NAV3: variants seen among roughly 807,000 people sequenced by gnomAD.
The protein encoded by NAV3 is neuron navigator 3.
NAV3 carries 87 observed loss-of-function variants against 244.7 expected under a neutral mutation model. The observed-to-expected ratio is 0.36, with a 90% CI of 0.30 to 0.42. The LOEUF is 0.42. NAV3 is among the 20% of genes least tolerant of loss of function. The pLI, the probability that NAV3 is intolerant of heterozygous loss-of-function variation, is 1.00. For synonymous variants in NAV3, 1,126 were observed against 1,042.2 expected, an observed-to-expected ratio of 1.08 and a Z score of -1.55; for missense variants, 2,663 against 2,893.3, an observed-to-expected ratio of 0.92 and a Z score of 1.83.
intron 2 of NAV3, among the ~76,000 whole-genome samples, chr12:77,781,891 T>C (rs926706747): frequency 3.9e-5 from 6 of 152,110 alleles, no homozygotes; most frequent in African/African-American, 1.4e-4. Flanking sequence ...AAGTTTTCTG[T>C]AATATAAAAT....
intron 20 of NAV3, among the ~76,000 whole-genome samples, chr12:78,145,541 G>A (rs1527101): frequency 0.35 from 52,944 of 152,062 alleles, 9,583 homozygotes; most frequent in African/African-American, 0.4. Flanking sequence ...GCATTCTTCA[G>A]CTTTTCCCAG....
intron 2 of NAV3, among the ~76,000 whole-genome samples, chr12:77,805,328 T>C (rs1871918299): frequency 6.6e-6 from 1 of 152,208 alleles, no homozygotes; most frequent in African/African-American, 2.4e-5. Context: ...TTTATTAGTT[T>C]GAGATATGTT....
intron 22 of NAV3, among the ~76,000 whole-genome samples, chr12:78,151,914 C>A (rs956141440): frequency 1.1e-4 from 17 of 151,148 alleles, no homozygotes; most frequent in African/African-American, 4.1e-4. Flanking sequence ...TTTTAAGTAT[C>A]AGATACTGAT....
intron 4 of NAV3, among the ~76,000 whole-genome samples, chr12:77,967,220 T>C (rs79140524): frequency 0.097 from 14,787 of 152,100 alleles, 1,005 homozygotes; most frequent in East Asian, 0.19. Flanking sequence ...TATCAGCCTA[T>C]TGATTTTCAT....
At chr12:78,208,198 A>T (rs169949) in intron 39 of NAV3, among the ~76,000 whole-genome samples, 1 of 151,868 alleles carries the variant, frequency 6.6e-6, no homozygotes, top group South Asian at 2.1e-4. Flanking sequence ...GAGAGGTCAC[A>T]TGGTGAGAAA....
intron 1 of NAV3, among the ~76,000 whole-genome samples, chr12:77,842,765 C>T (rs1222149864): frequency 1.3e-5 from 2 of 152,014 alleles, no homozygotes; most frequent in Non-Finnish European, 2.9e-5. Flanking sequence ...ATGATAAGCA[C>T]ATATAAAGAA....
intron 1 of NAV3, among the ~76,000 whole-genome samples, chr12:77,874,275 G>C (rs1029247929): frequency 1.3e-5 from 2 of 152,038 alleles, no homozygotes; most frequent in Admixed American, 1.3e-4. Flanking sequence ...TTGGAGTGCA[G>C]TGCTGCAATC....
chr12:77,793,351 C>T (rs779306506), intron 2 of NAV3, among the ~76,000 whole-genome samples: 4 of 152,054 alleles, frequency 2.6e-5, no homozygotes, highest in African/African-American at 4.8e-5. Context: ...GCAGAACTTG[C>T]AGGTTTGTTA....
At chr12:77,751,961 G>A (rs573969259) in intron 2 of NAV3, among the ~76,000 whole-genome samples, 1 of 152,214 alleles carries the variant, frequency 6.6e-6, no homozygotes, top group South Asian at 2.1e-4. Context: ...TTACCAGATG[G>A]GTGAATATTT....
chr12:77,894,328 A>G (rs934830048), intron 1 of NAV3, among the ~76,000 whole-genome samples: 3 of 152,236 alleles, frequency 2.0e-5, no homozygotes, highest in African/African-American at 7.2e-5. Flanking sequence ...GAAAATGTAC[A>G]TCTGTTATTA....
intron 9 of NAV3, among the ~76,000 whole-genome samples, chr12:78,032,710 C>A (rs1333592986): frequency 6.6e-6 from 1 of 152,130 alleles, no homozygotes; most frequent in Non-Finnish European, 1.5e-5. Flanking sequence ...TATTACAGTG[C>A]TGGCTGAATT....
At chr12:77,809,182 T>A (rs1872155840) in intron 2 of NAV3, among the ~76,000 whole-genome samples, 1 of 152,180 alleles carries the variant, frequency 6.6e-6, no homozygotes, top group African/African-American at 2.4e-5. Flanking sequence ...GGGATTGAAC[T>A]GTTCTGTCTT....
At chr12:78,134,835 A>C (rs531092122) in intron 18 of NAV3, among the ~76,000 whole-genome samples, 1 of 152,336 alleles carries the variant, frequency 6.6e-6, no homozygotes, top group African/African-American at 2.4e-5. Flanking sequence ...ACTACAAATA[A>C]ATATATAATC....
chr12:77,857,867 G>GT (rs1878630437), intron 1 of NAV3, among the ~76,000 whole-genome samples: 1 of 151,890 alleles, frequency 6.6e-6, no homozygotes, highest in Non-Finnish European at 1.5e-5. Flanking sequence ...AATTTGTTAT[G>GT]TTTTTATGAC....
At chr12:78,077,391 A>G (rs535558864) in intron 12 of NAV3, among the ~76,000 whole-genome samples, 2 of 152,350 alleles carry the variant, frequency 1.3e-5, no homozygotes, top group South Asian at 2.1e-4. Flanking sequence ...CAAAATCAAG[A>G]TATTGTGTAT....
chr12:78,192,223 C>T (rs1959014028), intron 34 of NAV3, among the ~76,000 whole-genome samples: 2 of 151,858 alleles, frequency 1.3e-5, no homozygotes, highest in South Asian at 4.1e-4. Flanking sequence ...TTCCGACACT[C>T]TTATTTTTTG....
chr12:77,683,694 A>G (rs554740165), intron 2 of NAV3, among the ~76,000 whole-genome samples: 2 of 152,180 alleles, frequency 1.3e-5, no homozygotes, highest in Admixed American at 1.3e-4. Flanking sequence ...TGGGTTACAC[A>G]GTAGGTGTGC....
At chr12:77,938,377 G>A (rs1889532158) in intron 1 of NAV3, among the ~76,000 whole-genome samples, 1 of 152,140 alleles carries the variant, frequency 6.6e-6, no homozygotes. Context: ...AGACAGTTAT[G>A]CAAGTAATTT....
intron 5 of NAV3, among the ~76,000 whole-genome samples, chr12:77,991,810 A>T (rs1317233450): frequency 1.3e-5 from 2 of 152,182 alleles, no homozygotes; most frequent in Non-Finnish European, 2.9e-5. Flanking sequence ...AGGTGAGCGG[A>T]TCAAGAGGTC....
Sources: gnomAD v4.1 joint callset for allele counts (sites outside exome capture counted in the v4.1 genomes callset) on GRCh38, gnomAD v4.1.1 for gene constraint, MANE v1.5 for transcripts, NCBI Gene and HGNC (gene_info 2026-07-23, HGNC 2026-07-21) for gene names.